Variants in CTCF observed in about 807,000 individuals in gnomAD.
The protein encoded by CTCF is transcriptional repressor CTCF.
In CTCF, 7 loss-of-function variants were observed where a neutral mutation model predicts 72.3. That is an observed-to-expected ratio of 0.10 (90% CI 0.06 to 0.18). CTCF has a LOEUF of 0.18. CTCF is among the 10% of genes least tolerant of loss of function. The pLI is 1.00. For missense variants in CTCF, 516 were observed against 949.1 expected, an observed-to-expected ratio of 0.54 and a Z score of 6.00; for synonymous variants, 374 against 315.8, an observed-to-expected ratio of 1.18 and a Z score of -1.95.
At chr16:67,581,519 T>C (rs941003335) in intron 2 of CTCF, among the ~76,000 whole-genome samples, 5 of 151,988 alleles carry the variant, frequency 3.3e-5, no homozygotes, top group Admixed American at 2.0e-4. Context: ...TATTTATCTT[T>C]TTCAGACAGA....
At chr16:67,602,178 T>A (rs1405057840) in intron 2 of CTCF, among the ~76,000 whole-genome samples, 1 of 152,146 alleles carries the variant, frequency 6.6e-6, no homozygotes, top group Non-Finnish European at 1.5e-5. Context: ...TACAAGCAAT[T>A]TTTAACATTT....
intron 5 of CTCF, among the ~76,000 whole-genome samples, chr16:67,619,491 T>G (rs1259309495): frequency 1.3e-5 from 2 of 152,146 alleles, no homozygotes; most frequent in Admixed American, 1.3e-4. Flanking sequence ...TTTTTGTTTT[T>G]TGTTTGTTTG....
At chr16:67,579,071 A>T (rs1157685700) in intron 2 of CTCF, among the ~76,000 whole-genome samples, 1 of 151,902 alleles carries the variant, frequency 6.6e-6, no homozygotes, top group Non-Finnish European at 1.5e-5. Flanking sequence ...CCTGACCAAC[A>T]TGGTGAAACC....
intron 1 of CTCF, among the ~76,000 whole-genome samples, chr16:67,566,832 A>G (rs967865302): frequency 1.3e-5 from 2 of 151,978 alleles, no homozygotes; most frequent in South Asian, 2.1e-4. Flanking sequence ...CCGCCTCTCA[A>G]AGTGCTGGGA....
intron 2 of CTCF, among the ~76,000 whole-genome samples, chr16:67,593,575 C>G (rs186110080): frequency 6.6e-6 from 1 of 152,042 alleles, no homozygotes; most frequent in Admixed American, 6.6e-5. Context: ...TCTGAGGGTT[C>G]GTATCAACCT....
At chr16:67,583,036 G>A (rs1001333627) in intron 2 of CTCF, among the ~76,000 whole-genome samples, 16 of 147,622 alleles carry the variant, frequency 1.1e-4, no homozygotes, top group Non-Finnish European at 1.8e-4. Context: ...GCTGGATGGA[G>A]TGCAGTGGTG....
chr16:67,600,630 C>A (rs897643761), intron 2 of CTCF, among the ~76,000 whole-genome samples: 1 of 152,150 alleles, frequency 6.6e-6, no homozygotes, highest in Non-Finnish European at 1.5e-5. Flanking sequence ...CTACTTCAGC[C>A]TCCCAAAGTG....
intron 2 of CTCF, among the ~76,000 whole-genome samples, chr16:67,590,404 G>A (rs1442850282): frequency 7.9e-5 from 12 of 151,724 alleles, no homozygotes; most frequent in Non-Finnish European, 1.2e-4. Flanking sequence ...ATACTAGAAT[G>A]CTCTTAACTT....
intron 5 of CTCF, 122 bp downstream of exon 5, chr16:67,617,000 A>C (rs994099319): frequency 1.1e-6 from 1 of 931,006 alleles, no homozygotes; most frequent in Non-Finnish European, 1.7e-6. Context: ...TAAATTATTA[A>C]CACTCCCACA....
intron 11 of CTCF, among the ~76,000 whole-genome samples, chr16:67,637,291 G>C (rs1021797588): frequency 3.3e-5 from 5 of 152,194 alleles, no homozygotes; most frequent in Non-Finnish European, 5.9e-5. Flanking sequence ...CAGCACTTTG[G>C]GGGGCCAAGG....
intron 4 of CTCF, among the ~76,000 whole-genome samples, chr16:67,613,430 A>C (rs1181969083): frequency 6.6e-6 from 1 of 152,158 alleles, no homozygotes; most frequent in African/African-American, 2.4e-5. Context: ...CATCTCCCTA[A>C]TTTCTACTCA....
In CTCF at chr16:67,617,516, A is replaced by T. The variant is rs190207932; in HGVS notation, c.1086+638A>T. On this transcript the variant is annotated intron_variant, in intron 5 of 11. Transcript: ENST00000264010. Reference sequence around the variant, plus strand: ...TCCCTCCATCTCAAAAAATAATAATAAATAAATAAATAAATATTAGCTGGG... The same window carrying T: ...TCCCTCCATCTCAAAAAATAATAATTAATAAATAAATAAATATTAGCTGGG... Among the ~76,000 whole-genome samples the T allele has an allele frequency of 1.5e-4, 23 of 151,834 alleles. No homozygotes were observed. The East Asian group carries it at 4.3e-3, about 28-fold the overall frequency.
chr16:67,572,957 C>CA (rs927811582), intron 2 of CTCF, among the ~76,000 whole-genome samples: 23 of 136,688 alleles, frequency 1.7e-4, no homozygotes, highest in Admixed American at 4.3e-4. Context: ...GCCCCCCCCC[C>CA]CAAAACAACA....
intron 2 of CTCF, among the ~76,000 whole-genome samples, chr16:67,592,683 T>A (rs1043475151): frequency 6.6e-6 from 1 of 152,044 alleles, no homozygotes; most frequent in African/African-American, 2.4e-5. Context: ...GCAGCCTGGG[T>A]GACAGAGTGA....
At chr16:67,576,928 T>G (rs1395886496) in intron 2 of CTCF, among the ~76,000 whole-genome samples, 1 of 152,130 alleles carries the variant, frequency 6.6e-6, no homozygotes, top group Non-Finnish European at 1.5e-5. Context: ...TCAAACAATA[T>G]GTATGGTATG....
At chr16:67,569,012 A>AT (rs1446066071) in intron 1 of CTCF, among the ~76,000 whole-genome samples, 3 of 150,082 alleles carry the variant, frequency 2.0e-5, no homozygotes, top group East Asian at 2.0e-4. Flanking sequence ...TAATTTTTGT[A>AT]TTTTTTTTAG....
chr16:67,624,521 TCTTA>T (rs1277857062), intron 7 of CTCF, among the ~76,000 whole-genome samples: 2 of 152,130 alleles, frequency 1.3e-5, no homozygotes, highest in Non-Finnish European at 2.9e-5. Context: ...TTCTTCTTCC[TCTTA>T]CTTCTTTAAA....
chr16:67,582,005 C>T (rs1044299889), intron 2 of CTCF, among the ~76,000 whole-genome samples: 6 of 151,710 alleles, frequency 4.0e-5, no homozygotes, highest in Non-Finnish European at 7.4e-5. Context: ...TGGCGGATCA[C>T]GAGGTCAGGA....
chr16:67,603,274 T>C (rs1433603535), intron 2 of CTCF, among the ~76,000 whole-genome samples: 1 of 152,042 alleles, frequency 6.6e-6, no homozygotes, highest in African/African-American at 2.4e-5. Flanking sequence ...CTCACACCTG[T>C]AATCCCAGCA....
Sources: allele counts gnomAD v4.1 joint callset (sites outside exome capture counted in the v4.1 genomes callset), GRCh38; gene constraint gnomAD v4.1.1; transcripts MANE v1.5; gene names NCBI Gene and HGNC (gene_info 2026-07-23, HGNC 2026-07-21).